The following FTO variants were observed in gnomAD, a reference collection of about 807,000 sequenced individuals.
The protein encoded by FTO is alpha-ketoglutarate-dependent dioxygenase FTO.
FTO carries 47 observed loss-of-function variants against 63.9 expected under a neutral mutation model. The observed-to-expected ratio is 0.74, with a 90% CI of 0.58 to 0.94. The LOEUF is 0.94. Ranked by LOEUF, FTO falls within the 40% of genes least tolerant of loss-of-function variation. FTO has a pLI of 0.00. For missense variants in FTO, 562 were observed against 618.1 expected, an observed-to-expected ratio of 0.91 and a Z score of 0.96; for synonymous variants, 207 against 224.4, an observed-to-expected ratio of 0.92 and a Z score of 0.69.
chr16:53,837,912 G>C (rs2079348882), intron 3 of FTO, among the ~76,000 whole-genome samples: 1 of 152,098 alleles, frequency 6.6e-6, no homozygotes, highest in African/African-American at 2.4e-5. Context: ...TCTTTCCTAT[G>C]GTTCATAAAC....
chr16:53,769,420 A>T lies in FTO; in HGVS notation c.46-40720A>T, dbSNP rs189959143. Among the ~76,000 whole-genome samples, 605 of 152,304 alleles carry T rather than the reference A, an allele frequency of 4.0e-3. 2 individuals are homozygous for T. The highest frequency in any genetic ancestry group is 6.5e-3 in the Non-Finnish European group (440 of 68,014). ...CTGTACCTCAGTTTCATAATCTGTC[A>T]AGTGGGGATAATTATGGTAACCACC... is the stretch of plus-strand genomic sequence containing the variant. On this transcript the variant is annotated intron_variant, in intron 1 of 8. Transcript: ENST00000471389.
At chr16:53,919,336 A>G (rs942680590) in intron 7 of FTO, among the ~76,000 whole-genome samples, 17 of 152,120 alleles carry the variant, frequency 1.1e-4, no homozygotes, top group Non-Finnish European at 2.2e-4. Context: ...AAGAGATATC[A>G]GCTTACCTGA....
In FTO at chr16:53,930,221, CTTTTTTTTT is replaced by C. The variant is rs1014205147; in HGVS notation, c.1240-3746_1240-3738del. Among the ~76,000 whole-genome samples, 54 of 75,704 alleles carry C rather than the reference CTTTTTTTTT, an allele frequency of 7.1e-4. 1 individual carries two copies. The East Asian group carries it at 0.014, about 19-fold the overall frequency. 49.7% of individuals were successfully genotyped at this position (75,704 alleles called of 152,430 possible). ...TTATATTTACTTTTATGATTATCTTCTTTTTTTTTTTTTTTTTTTTTTTTTTGAGACAGA... is the reference window on the plus strand; with the variant it reads ...TTATATTTACTTTTATGATTATCTTCTTTTTTTTTTTTTTTTTGAGACAGA... On this transcript the variant is annotated intron_variant, in intron 7 of 8. Coordinates refer to ENST00000471389, the MANE Select transcript of FTO (RefSeq NM_001080432.3).
chr16:54,107,746 T>C (rs1229779749), intron 8 of FTO, among the ~76,000 whole-genome samples: 1 of 152,122 alleles, frequency 6.6e-6, no homozygotes, highest in Non-Finnish European at 1.5e-5. Context: ...CTGAAACATC[T>C]AAGTGAAGCA....
At position 54,050,828 on chromosome 16, in the gene FTO, G is replaced by A. The variant is rs970890749; in HGVS notation, c.1365-60934G>A. 2.0e-5 allele frequency among the ~76,000 whole-genome samples: 3 copies of A among 151,774 alleles called. 1 individual carries two copies. The South Asian group carries it at 6.3e-4, about 32-fold the overall frequency. On this transcript the variant is annotated intron_variant, in intron 8 of 8. Coordinates refer to ENST00000471389, the MANE Select transcript of FTO (RefSeq NM_001080432.3). ...TTCTTTTCTTTATTTTTTTAAAGAG[G>A]AAAAAAATGCTCCAACAAATCAACA...
chr16:54,003,713 T>C (rs1312603188), intron 8 of FTO, among the ~76,000 whole-genome samples: 2 of 152,184 alleles, frequency 1.3e-5, no homozygotes, highest in East Asian at 3.9e-4. Flanking sequence ...AGAAATAGTT[T>C]AGGTTTTAAA....
At chr16:53,709,902 C>T (rs2075725585) in intron 1 of FTO, among the ~76,000 whole-genome samples, 1 of 152,134 alleles carries the variant, frequency 6.6e-6, no homozygotes, top group African/African-American at 2.4e-5. Flanking sequence ...TAAACACAAT[C>T]AATTGTTAAT....
intron 8 of FTO, among the ~76,000 whole-genome samples, chr16:54,033,010 C>G (rs181802105): frequency 1.4e-3 from 208 of 152,232 alleles, no homozygotes; most frequent in African/African-American, 4.9e-3. Context: ...AGAAGCCAAG[C>G]ATATTCCAGT....
At chr16:53,974,389 T>C (rs2083391487) in intron 8 of FTO, among the ~76,000 whole-genome samples, 1 of 152,220 alleles carries the variant, frequency 6.6e-6, no homozygotes, top group Non-Finnish European at 1.5e-5. Context: ...ATTGTTATTG[T>C]TCAGAATTGA....
intron 8 of FTO, among the ~76,000 whole-genome samples, chr16:54,048,127 A>T (rs1327878913): frequency 2.1e-4 from 10 of 47,696 alleles, no homozygotes; most frequent in African/African-American, 4.1e-4. Context: ...AAAAAAAATT[A>T]AAAAAAAAAA....
At chr16:54,055,246 G>A (rs951897137) in intron 8 of FTO, among the ~76,000 whole-genome samples, 3 of 152,138 alleles carry the variant, frequency 2.0e-5, no homozygotes, top group Admixed American at 2.0e-4. Flanking sequence ...AAGAGGCCAC[G>A]AACAGCATAT....
intron 8 of FTO, among the ~76,000 whole-genome samples, chr16:54,007,402 C>T (rs1483388796): frequency 6.6e-6 from 1 of 152,046 alleles, no homozygotes; most frequent in African/African-American, 2.4e-5. Context: ...AGTTCAGAGC[C>T]CACTCTGCCA....
intron 8 of FTO, among the ~76,000 whole-genome samples, chr16:54,024,461 C>T (rs1284565757): frequency 6.6e-6 from 1 of 152,090 alleles, no homozygotes; most frequent in East Asian, 1.9e-4. Flanking sequence ...AACTCCTGAC[C>T]TTGTGATCTG....
chr16:53,978,916 A>G (rs1237606515), intron 8 of FTO, among the ~76,000 whole-genome samples: 5 of 152,090 alleles, frequency 3.3e-5, no homozygotes, highest in Non-Finnish European at 7.4e-5. Flanking sequence ...TGACAATTGC[A>G]TGAACTCAGG....
At chr16:54,077,739 G>C (rs920823474) in intron 8 of FTO, among the ~76,000 whole-genome samples, 1 of 152,118 alleles carries the variant, frequency 6.6e-6, no homozygotes, top group Admixed American at 6.5e-5. Context: ...CAGATGGCAG[G>C]GGGGCAGGTC....
chr16:54,093,678 T>C (rs927013047), intron 8 of FTO, among the ~76,000 whole-genome samples: 20 of 152,186 alleles, frequency 1.3e-4, no homozygotes, highest in Non-Finnish European at 1.8e-4. Flanking sequence ...GCAGATGTCG[T>C]CCTTTGATTC....
chr16:54,113,693 C>T lies in FTO; in HGVS notation c.*1778C>T, dbSNP rs2086939100. On this transcript the variant is annotated 3_prime_UTR_variant, in exon 9 of 9. Transcript: ENST00000471389. ...TGGGGCACCCTCGGGCCATCCAGCC[C>T]AGTGTTTTCTTTAGCCCCTATGATG... The T allele has an allele frequency of 6.6e-6, 1 of 152,152 alleles. No homozygotes were observed. Among genetic ancestry groups the T allele is most frequent in the Admixed American group, 6.5e-5 (1 of 15,274 alleles). 9.4% of individuals were successfully genotyped at this position (152,152 alleles called of 1,614,324 possible). A position where few individuals can be genotyped will look rare whatever the true frequency, so the allele number is the denominator to read the frequency against.
chr16:53,853,274 T>C (rs1323369981), intron 4 of FTO, among the ~76,000 whole-genome samples: 2 of 152,116 alleles, frequency 1.3e-5, no homozygotes, highest in Non-Finnish European at 2.9e-5. Context: ...CATTGCACTC[T>C]AGCCTGGGTG....
intron 6 of FTO, among the ~76,000 whole-genome samples, chr16:53,880,826 G>A (rs369966577): frequency 1.1e-4 from 17 of 151,492 alleles, no homozygotes; most frequent in African/African-American, 3.1e-4. Flanking sequence ...GGACATGGCC[G>A]GGTGTGGTGG....
Sources: gnomAD v4.1 joint callset for allele counts (sites outside exome capture counted in the v4.1 genomes callset) on GRCh38, gnomAD v4.1.1 for gene constraint, MANE v1.5 for transcripts, NCBI Gene and HGNC (gene_info 2026-07-23, HGNC 2026-07-21) for gene names.